The following CPNE4 variants were observed in gnomAD, a reference collection of about 807,000 sequenced individuals.
CPNE4 encodes the protein copine 4, also known as copine-4.
Under a neutral mutation model 67.9 loss-of-function variants are expected in CPNE4, and 25 were observed. The observed-to-expected ratio is 0.37, with a 90% CI of 0.27 to 0.51. The LOEUF (loss-of-function observed/expected upper bound fraction) is 0.51. Ranked by LOEUF, CPNE4 falls within the 20% of genes least tolerant of loss-of-function variation. CPNE4 has a pLI of 0.93. For synonymous variants in CPNE4, 242 were observed against 244.9 expected, an observed-to-expected ratio of 0.99 and a Z score of 0.11; for missense variants, 464 against 690.8, an observed-to-expected ratio of 0.67 and a Z score of 3.68.
chr3:132,034,678 T>C lies in CPNE4; in HGVS notation c.-113A>G. 1 of 985,368 alleles carries C rather than the reference T, an allele frequency of 1.0e-6. No homozygotes were observed. 61.0% of individuals were successfully genotyped at this position (985,368 alleles called of 1,614,324 possible). A position where few individuals can be genotyped will look rare whatever the true frequency, so the allele number is the denominator to read the frequency against. ...AAGTGGAGGTGGTTGGTGTGGTAGT[T>C]TTGTACTGATGTAAGGGGCGTCGCA... On this transcript the variant is annotated 5_prime_UTR_variant, in exon 1 of 16. Transcript: ENST00000429747.
rs544689083 is a variant in CPNE4, at chr3:131,604,436, A to G, written c.682-16854T>C. 2.6e-5 allele frequency among the ~76,000 whole-genome samples: 4 copies of G among 152,240 alleles called. No homozygotes were observed. The East Asian group carries it at 5.8e-4, about 22-fold the overall frequency. ...TTGATTGGGCTGAAGGATACAAAGT[A>G]TTAATCCTGGGTGTATCTGTGAGAG... On this transcript the variant is annotated intron_variant, in intron 7 of 15. Transcript: ENST00000429747.
At chr3:131,609,046 T>G (rs1365106049) in intron 7 of CPNE4, among the ~76,000 whole-genome samples, 1 of 152,184 alleles carries the variant, frequency 6.6e-6, no homozygotes, top group Non-Finnish European at 1.5e-5. Flanking sequence ...CTTCCTCAGG[T>G]ATTCAGGCTA....
intron 3 of CPNE4, among the ~76,000 whole-genome samples, chr3:131,718,783 A>G (rs1326929133): frequency 2.0e-5 from 3 of 152,014 alleles, no homozygotes; most frequent in Admixed American, 6.5e-5. Context: ...TTCCTTTTTC[A>G]TCTTTGTGTC....
chr3:131,797,717 A>G (rs1026199259), intron 2 of CPNE4, among the ~76,000 whole-genome samples: 3 of 152,206 alleles, frequency 2.0e-5, no homozygotes, highest in African/African-American at 7.2e-5. Flanking sequence ...ACACTAAGGT[A>G]GATGTTCTGA....
intron 2 of CPNE4, among the ~76,000 whole-genome samples, chr3:131,870,810 T>A (rs1362381590): frequency 6.6e-6 from 1 of 152,186 alleles, no homozygotes; most frequent in East Asian, 1.9e-4. Flanking sequence ...GATAGCACAC[T>A]AAGCCACATT....
intron 3 of CPNE4, among the ~76,000 whole-genome samples, chr3:131,704,655 A>G (rs988999012): frequency 6.6e-6 from 1 of 152,138 alleles, no homozygotes; most frequent in African/African-American, 2.4e-5. Flanking sequence ...GTGACAGATG[A>G]TATGTGGAAC....
At chr3:131,741,867 A>G (rs1489846873) in intron 2 of CPNE4, among the ~76,000 whole-genome samples, 1 of 152,160 alleles carries the variant, frequency 6.6e-6, no homozygotes, top group East Asian at 1.9e-4. Context: ...ATCCTGGCCA[A>G]TGGAATTGGA....
chr3:131,784,105 A>G (rs1296234090), intron 2 of CPNE4, among the ~76,000 whole-genome samples: 1 of 152,106 alleles, frequency 6.6e-6, no homozygotes, highest in Non-Finnish European at 1.5e-5. Context: ...TATTTAATAA[A>G]CAATGTCATA....
rs1243532038 is a variant in CPNE4, at chr3:131,555,571, A to G, written c.1062-20T>C. The G allele has an allele frequency of 6.2e-7, 1 of 1,605,144 alleles. No homozygotes were observed. ...TTGTCACTGAAACCAAAATGAAGAA[A>G]AGAAAAAACAAGAAGTTGCTTCATT... On this transcript the variant is annotated intron_variant, in intron 11 of 15. Transcript: ENST00000429747.
chr3:131,811,751 G>T (rs1420556534), intron 2 of CPNE4, among the ~76,000 whole-genome samples: 1 of 152,128 alleles, frequency 6.6e-6, no homozygotes, highest in Non-Finnish European at 1.5e-5. Context: ...TCAAAATAAA[G>T]AGTACATCAA....
chr3:131,976,361 A>G (rs958242047), intron 1 of CPNE4, among the ~76,000 whole-genome samples: 1 of 152,156 alleles, frequency 6.6e-6, no homozygotes, highest in East Asian at 1.9e-4. Flanking sequence ...CAACAGCAAC[A>G]AAAACTTTGA....
chr3:131,875,679 C>G (rs546595128), intron 2 of CPNE4, among the ~76,000 whole-genome samples: 1 of 143,622 alleles, frequency 7.0e-6, no homozygotes, highest in African/African-American at 2.6e-5. Context: ...CCAGGCCTGT[C>G]CTGGGGTGGG....
intron 3 of CPNE4, among the ~76,000 whole-genome samples, chr3:131,720,773 C>A (rs1389262081): frequency 1.3e-5 from 2 of 152,178 alleles, no homozygotes; most frequent in African/African-American, 4.8e-5. Context: ...GGCTGCTTAT[C>A]CTGTCTCACT....
intron 1 of CPNE4, among the ~76,000 whole-genome samples, chr3:131,946,645 G>C (rs1382086103): frequency 6.6e-6 from 1 of 152,106 alleles, no homozygotes; most frequent in East Asian, 1.9e-4. Flanking sequence ...CTAGATATCA[G>C]ACCTTTATCT....
At chr3:131,711,658 G>A (rs950101713) in intron 3 of CPNE4, among the ~76,000 whole-genome samples, 9 of 152,182 alleles carry the variant, frequency 5.9e-5, no homozygotes, top group African/African-American at 1.9e-4. Flanking sequence ...ATTCATACCC[G>A]GCCTCATTTT....
intron 1 of CPNE4, among the ~76,000 whole-genome samples, chr3:132,006,713 A>G (rs940334642): frequency 6.6e-6 from 1 of 151,928 alleles, no homozygotes; most frequent in South Asian, 2.1e-4. Flanking sequence ...TGATTGAGAA[A>G]TAAATTGCCT....
intron 6 of CPNE4, among the ~76,000 whole-genome samples, chr3:131,679,292 T>A (rs2080670988): frequency 1.3e-5 from 2 of 152,146 alleles, no homozygotes; most frequent in South Asian, 4.1e-4. Context: ...TCTTATTATC[T>A]CTGATTGTGT....
At chr3:131,842,960 G>A (rs1226671067) in intron 2 of CPNE4, among the ~76,000 whole-genome samples, 2 of 152,042 alleles carry the variant, frequency 1.3e-5, no homozygotes, top group East Asian at 3.9e-4. Flanking sequence ...TCCATATCCT[G>A]AGTCCTGCAC....
At chr3:131,699,481 A>T (rs532790646) in intron 4 of CPNE4, among the ~76,000 whole-genome samples, 11 of 152,366 alleles carry the variant, frequency 7.2e-5, no homozygotes, top group Non-Finnish European at 1.3e-4. Context: ...GAAACAAACC[A>T]AACCTTGAAG....
Sources: gnomAD v4.1 joint callset for allele counts (sites outside exome capture counted in the v4.1 genomes callset) on GRCh38, gnomAD v4.1.1 for gene constraint, MANE v1.5 for transcripts, NCBI Gene and HGNC (gene_info 2026-07-23, HGNC 2026-07-21) for gene names.